LRP2BP: variants seen among roughly 807,000 people sequenced by gnomAD.
LRP2BP encodes LRP2 binding protein.
A neutral mutation model predicts 45.2 loss-of-function variants in LRP2BP; 38 were observed. That is an observed-to-expected ratio of 0.84 (90% confidence interval 0.65 to 1.10). The LOEUF (loss-of-function observed/expected upper bound fraction) is 1.10. Among genes scored for constraint, LRP2BP ranks in the 50% least tolerant of loss-of-function variants. The pLI is 0.00. For synonymous variants in LRP2BP, 153 were observed against 153.9 expected, an observed-to-expected ratio of 0.99 and a Z score of 0.04; for missense variants, 385 against 418.9, an observed-to-expected ratio of 0.92 and a Z score of 0.71.
chr4:185,376,827 A>G, intron 3 of LRP2BP, 82 bp downstream of exon 3: 1 of 936,404 alleles, frequency 1.1e-6, no homozygotes, highest in Non-Finnish European at 1.7e-6. Context: ...ATAACACAGT[A>G]AGAAACTCTA....
At chr4:185,397,275 G>A (rs140368101), upstream of LRP2BP, 10 of 1,613,888 alleles carry the variant, frequency 6.2e-6, no homozygotes, top group African/African-American at 1.1e-4. Context: ...TCTGGCAGCT[G>A]CAAACGGGCG....
In LRP2BP at chr4:185,373,040, G is replaced by C. The variant is rs368547805; in HGVS notation, c.619C>G (p.Leu207Val). The part of the protein sequence containing the change: ...WHSEACGNGN[L>V]ESQGALGLMY... ...AGCCCAAGTGCACCCTGGGACTCCA[G>C]ATTCCCATTGCCACATGCTTCGGAA... is the stretch of plus-strand genomic sequence containing the variant. The change falls in exon 7 of 9, where the codon CTG (leucine) becomes GTG (valine). Residue 207 changes from leucine (L) to valine (V), a missense_variant. Physicochemically the swap from Leu to Val is conservative, Grantham distance 32. Coordinates refer to ENST00000505916, the MANE Select transcript of LRP2BP (RefSeq NM_001377440.1). The C allele has an allele frequency of 3.1e-6, 5 of 1,611,708 alleles. No homozygotes were observed. Among genetic ancestry groups the C allele is most frequent in the African/African-American group, 1.3e-5 (1 of 74,888 alleles).
chr4:185,377,799 T>C (rs967698235), intron 2 of LRP2BP: 2 of 292,490 alleles, frequency 6.8e-6, no homozygotes, highest in Middle Eastern at 1.0e-3. Flanking sequence ...CCTGGCATTG[T>C]TCTCTTTAAC....
At chr4:185,384,180 G>A (rs1349612467) in intron 1 of LRP2BP, among the ~76,000 whole-genome samples, 1 of 152,166 alleles carries the variant, frequency 6.6e-6, no homozygotes, top group Non-Finnish European at 1.5e-5. Flanking sequence ...CCTTAGGAAA[G>A]GGTTAGATGC....
intron 1 of LRP2BP, among the ~76,000 whole-genome samples, chr4:185,393,884 A>G (rs1444736241): frequency 6.6e-6 from 1 of 152,134 alleles, no homozygotes; most frequent in Admixed American, 6.5e-5. Context: ...GGGAGATTCA[A>G]TTCCAGGAAC....
rs2095497592 is a variant in LRP2BP at position 185,394,851 on chromosome 4, TA to T, written c.-95del. 4.1e-6 allele frequency: 4 copies of T among 985,452 alleles called. No homozygotes were observed. The highest frequency in any genetic ancestry group is 4.8e-6 in the Non-Finnish European group (4 of 829,940). 61.0% of individuals were successfully genotyped at this position (985,452 alleles called of 1,614,324 possible). On this transcript the variant is annotated 5_prime_UTR_variant, in exon 1 of 9. An upstream open reading frame in the 5' UTR loses its in-frame stop. Coordinates refer to ENST00000505916, the MANE Select transcript of LRP2BP (RefSeq NM_001377440.1). ...TTCTGGAAACGCATCTACCAGCAAT[TA>T]AAACATGTAGAATTAGCACTGCTTA...
chr4:185,370,933 C>T (rs1473402499), intron 7 of LRP2BP, 119 bp from the exon 8 acceptor site: 1 of 1,121,124 alleles, frequency 8.9e-7, no homozygotes, highest in Admixed American at 2.0e-5. Context: ...GCTTTGAGAA[C>T]TAAGTTGTTT....
chr4:185,376,919 T>C lies in LRP2BP; in HGVS notation c.206A>G (p.Tyr69Cys). ...AACAAAAAATGATACCTCTTCAAAA[T>C]ATAGTTGACCTCGTAGGAAATATGC... Reference protein sequence around the residue: ...TLAYFLRGQLYFEEGWYEEAL... With the variant: ...TLAYFLRGQLCFEEGWYEEAL... Residue 69 changes from tyrosine to cysteine, a missense_variant, in exon 3 of 9, where the codon TAT becomes TGT. Physicochemically the swap from Tyr to Cys is radical, Grantham distance 194. Transcript: ENST00000505916. 1 of 1,610,414 alleles carries C rather than the reference T, an allele frequency of 6.2e-7. No homozygotes were observed. Among genetic ancestry groups the C allele is most frequent in the Non-Finnish European group, 8.5e-7 (1 of 1,176,826 alleles).
At position 185,364,964 on chromosome 4, in the gene LRP2BP, T is replaced by C. The variant is rs2095381006; in HGVS notation, c.*2216A>G. On this transcript the variant is annotated 3_prime_UTR_variant, in exon 9 of 9. Transcript: ENST00000505916. The stretch of plus-strand genomic sequence containing the variant: ...TATTTATTTATGATAAAATGTCATT[T>C]TTCCATGAGATATCAGCTACAAGGA... The C allele has an allele frequency of 6.6e-6, 1 of 152,206 alleles. No individual in the cohort carries two copies. The highest frequency in any genetic ancestry group is 1.5e-5 in the Non-Finnish European group (1 of 68,046). The allele number at this position is 152,206 out of a possible 1,614,324, so 9.4% of individuals were successfully genotyped here. A position where few individuals can be genotyped will look rare whatever the true frequency, so the allele number is the denominator to read the frequency against.
chr4:185,373,204 G>T, intron 6 of LRP2BP, 125 bp from the exon 7 acceptor site: 1 of 882,748 alleles, frequency 1.1e-6, no homozygotes. Flanking sequence ...GGAAAGAGCG[G>T]TAGGCCTTTG....
At chr4:185,378,395 G>T in intron 1 of LRP2BP, 188 bp from the exon 2 acceptor site, 1 of 1,375,202 alleles carries the variant, frequency 7.3e-7, no homozygotes. Flanking sequence ...CTCCCTAGCT[G>T]AGAGACAGCC....
rs1472901273 is a variant in LRP2BP, at chr4:185,364,575, ACTT to A, written c.*2602_*2604del. ...TATGATATACATATCATACCTGCTA[ACTT>A]CTTGATAAGAAACAAGTTCTGAAAG... On this transcript the variant is annotated 3_prime_UTR_variant, in exon 9 of 9. Coordinates refer to ENST00000505916, the MANE Select transcript of LRP2BP (RefSeq NM_001377440.1). 6.6e-6 allele frequency: 1 copy of A among 152,226 alleles called. No homozygotes were observed. Among genetic ancestry groups the A allele is most frequent in the Non-Finnish European group, 1.5e-5 (1 of 68,042 alleles). 9.4% of individuals were successfully genotyped at this position (152,226 alleles called of 1,614,324 possible).
Position 185,395,459 on chromosome 4 carries a change from G to T in LRP2BP, c.-702C>A. 1.4e-5 allele frequency: 14 copies of T among 985,288 alleles called. No homozygotes were observed. Among genetic ancestry groups the T allele is most frequent in the Non-Finnish European group, 1.7e-5 (14 of 829,828 alleles). 61.0% of individuals were successfully genotyped at this position (985,288 alleles called of 1,614,324 possible). A position where few individuals can be genotyped will look rare whatever the true frequency, so the allele number is the denominator to read the frequency against. ...GCTTATTGAATTGATAAACAAAAGC[G>T]AAACTGGCAATATCAACGTGTGCTC... On this transcript the variant is annotated 5_prime_UTR_variant, in exon 1 of 9. Coordinates refer to ENST00000505916, the MANE Select transcript of LRP2BP (RefSeq NM_001377440.1).
At chr4:185,367,780 T>C (rs2095395118) in intron 8 of LRP2BP, among the ~76,000 whole-genome samples, 1 of 152,184 alleles carries the variant, frequency 6.6e-6, no homozygotes, top group Admixed American at 6.5e-5. Flanking sequence ...GGTATTTGCT[T>C]GGTTGCTTCC....
upstream of LRP2BP, chr4:185,397,058 G>A: frequency 1.2e-6 from 2 of 1,610,584 alleles, no homozygotes; most frequent in Non-Finnish European, 1.7e-6. Flanking sequence ...CCTGGTCAGA[G>A]CTGGTTGTGA....
chr4:185,372,994 C>T lies in LRP2BP; in HGVS notation c.665G>A (p.Gly222Asp). Residue 222 changes from glycine (G) to aspartate (D), a missense_variant, in exon 7 of 9, where the codon GGC (glycine) becomes GAC (aspartate). Transcript: ENST00000505916. ...ALGLMYLYGQ[G>D]IRQDTEAALQ... ...GGCAGCTTCCGTATCCTGCCGGATG[C>T]CTTGTCCATACAAGTACATGAGCCC... 6.2e-7 allele frequency: 1 copy of T among 1,613,976 alleles called. No individual in the cohort carries two copies. The highest frequency in any genetic ancestry group is 8.5e-7 in the Non-Finnish European group (1 of 1,179,860).
chr4:185,384,904 C>A (rs1420659743), intron 1 of LRP2BP, among the ~76,000 whole-genome samples: 2 of 143,894 alleles, frequency 1.4e-5, no homozygotes, highest in Non-Finnish European at 3.0e-5. Context: ...CCCCGCCCCC[C>A]GTCCCCCGCC....
At chr4:185,387,523 A>C (rs879901949) in intron 1 of LRP2BP, among the ~76,000 whole-genome samples, 32 of 152,256 alleles carry the variant, frequency 2.1e-4, no homozygotes, top group Non-Finnish European at 1.2e-4. Flanking sequence ...TGTGCAGCTA[A>C]GATGATCTTG....
intron 1 of LRP2BP, among the ~76,000 whole-genome samples, chr4:185,389,490 G>T (rs2095482417): frequency 6.6e-6 from 1 of 152,102 alleles, no homozygotes; most frequent in Non-Finnish European, 1.5e-5. Context: ...GATTACAGGC[G>T]TGAGCCACCG....
Sources: gnomAD v4.1 joint callset for allele counts (sites outside exome capture counted in the v4.1 genomes callset) on GRCh38, gnomAD v4.1.1 for gene constraint, MANE v1.5 for transcripts, NCBI Gene and HGNC (gene_info 2026-07-23, HGNC 2026-07-21) for gene names.